PTPRD: variants seen among roughly 807,000 people sequenced by gnomAD.
The protein encoded by PTPRD is protein tyrosine phosphatase receptor type D, also known as receptor-type tyrosine-protein phosphatase delta.
Under a neutral mutation model 214.5 loss-of-function variants are expected in PTPRD, and 34 were observed. The ratio of observed to expected loss-of-function variants is 0.16; its 90% CI spans 0.12 to 0.21. PTPRD has a LOEUF of 0.21. Ranked by LOEUF, PTPRD falls within the 10% of genes least tolerant of loss-of-function variation. The pLI, the probability that PTPRD is intolerant of heterozygous loss-of-function variation, is 1.00. For missense variants in PTPRD, 2,545 were observed against 2,398.7 expected (o/e 1.06, Z -1.27); for synonymous variants, 1,128 against 845.7 (o/e 1.33, Z -5.79).
At chr9:9,156,960 C>T (rs2099881733) in intron 10 of PTPRD, among the ~76,000 whole-genome samples, 1 of 152,198 alleles carries the variant, frequency 6.6e-6, no homozygotes, top group Non-Finnish European at 1.5e-5. Flanking sequence ...CAATTCCACA[C>T]TCTCATTCTC....
At chr9:10,084,511 C>G (rs2098296382) in intron 3 of PTPRD, among the ~76,000 whole-genome samples, 1 of 151,852 alleles carries the variant, frequency 6.6e-6, no homozygotes, top group South Asian at 2.1e-4. Flanking sequence ...AATTGTAACC[C>G]ACTCACACAT....
intron 11 of PTPRD, among the ~76,000 whole-genome samples, chr9:8,902,746 A>T (rs1258954313): frequency 2.6e-5 from 4 of 152,224 alleles, no homozygotes; most frequent in Non-Finnish European, 5.9e-5. Flanking sequence ...AAGAAAAATA[A>T]GCCTTGGCAA....
rs533532371 is a variant in PTPRD at position 9,230,701 on chromosome 9, AGTT to A, written c.-202-47341_-202-47339del. ...TGCTTGGTACGGAAAAACTCCACAC[AGTT>A]GTTGTCAGGAGTGTTGCGCATATAG... is the stretch of plus-strand genomic sequence containing the variant. On this transcript the variant is annotated intron_variant, in intron 9 of 45. Transcript: ENST00000381196. Among the ~76,000 whole-genome samples the A allele has an allele frequency of 1.1e-4, 16 of 152,256 alleles. No homozygotes were observed. The South Asian group carries it at 3.1e-3, about 30-fold the overall frequency.
intron 10 of PTPRD, among the ~76,000 whole-genome samples, chr9:9,048,420 TG>T (rs1460933159): frequency 6.6e-6 from 1 of 152,014 alleles, no homozygotes; most frequent in Non-Finnish European, 1.5e-5. Context: ...CATCACCAGA[TG>T]GATGGATAAA....
intron 2 of PTPRD, among the ~76,000 whole-genome samples, chr9:10,536,941 C>T (rs372454821): frequency 2.8e-4 from 43 of 152,208 alleles, no homozygotes; most frequent in African/African-American, 9.4e-4. Context: ...AATAGTAAAG[C>T]AGTACGGTTA....
intron 14 of PTPRD, among the ~76,000 whole-genome samples, chr9:8,569,338 C>A (rs1311836395): frequency 6.6e-6 from 1 of 152,128 alleles, no homozygotes; most frequent in Non-Finnish European, 1.5e-5. Context: ...AGGCAATCAT[C>A]CTCCAAACTG....
chr9:9,808,972 A>G (rs1453220508), intron 5 of PTPRD, among the ~76,000 whole-genome samples: 1 of 150,782 alleles, frequency 6.6e-6, no homozygotes, highest in Non-Finnish European at 1.5e-5. Flanking sequence ...TTTTTGTAGA[A>G]ACAAGATCTC....
intron 9 of PTPRD, among the ~76,000 whole-genome samples, 174 bp from the exon 10 acceptor site, chr9:9,183,537 A>C (rs1417213951): frequency 6.6e-6 from 1 of 152,044 alleles, no homozygotes; most frequent in Non-Finnish European, 1.5e-5. Context: ...TCTTTAATTG[A>C]AGTAGTGAAA....
At chr9:9,821,934 T>TTA (rs1029463074) in intron 5 of PTPRD, among the ~76,000 whole-genome samples, 5 of 148,414 alleles carry the variant, frequency 3.4e-5, no homozygotes, top group Non-Finnish European at 7.4e-5. Flanking sequence ...TTTATAATAT[T>TTA]TATATATATT....
chr9:8,764,816 T>TAAA (rs1296075270), intron 11 of PTPRD, among the ~76,000 whole-genome samples: 1 of 149,046 alleles, frequency 6.7e-6, no homozygotes, highest in Admixed American at 6.7e-5. Flanking sequence ...ATGATAATAA[T>TAAA]AATAATAATA....
chr9:8,798,902 T>A (rs1307719356), intron 11 of PTPRD, among the ~76,000 whole-genome samples: 1 of 152,162 alleles, frequency 6.6e-6, no homozygotes, highest in Non-Finnish European at 1.5e-5. Flanking sequence ...GCCTATGAGA[T>A]GTCATAATAA....
chr9:8,851,031 G>A (rs983315498), intron 11 of PTPRD, among the ~76,000 whole-genome samples: 1 of 152,120 alleles, frequency 6.6e-6, no homozygotes, highest in Non-Finnish European at 1.5e-5. Context: ...TAGGGAGACA[G>A]AAGGCAGTAA....
chr9:8,607,288 T>C (rs1011750560), intron 14 of PTPRD, among the ~76,000 whole-genome samples: 2 of 152,180 alleles, frequency 1.3e-5, no homozygotes, highest in East Asian at 1.9e-4. Context: ...ATGGTAAGTA[T>C]CTACAATTTT....
chr9:9,865,422 C>T (rs922024051), intron 5 of PTPRD, among the ~76,000 whole-genome samples: 2 of 152,174 alleles, frequency 1.3e-5, no homozygotes, highest in East Asian at 1.9e-4. Flanking sequence ...TAAGGACAGA[C>T]AGAAGCCTTT....
chr9:9,608,245 T>C (rs2094305210), intron 7 of PTPRD, among the ~76,000 whole-genome samples: 1 of 152,232 alleles, frequency 6.6e-6, no homozygotes, highest in Non-Finnish European at 1.5e-5. Flanking sequence ...ACTACTGTTA[T>C]TGCTGTTATT....
intron 7 of PTPRD, among the ~76,000 whole-genome samples, chr9:9,619,442 A>G (rs1158535989): frequency 2.7e-5 from 4 of 149,598 alleles, no homozygotes; most frequent in African/African-American, 9.8e-5. Flanking sequence ...ATATATATCT[A>G]TATAAGCATG....
At chr9:10,060,462 T>C (rs1364022254) in intron 3 of PTPRD, among the ~76,000 whole-genome samples, 1 of 152,088 alleles carries the variant, frequency 6.6e-6, no homozygotes, top group Non-Finnish European at 1.5e-5. Context: ...AGCTCATGTG[T>C]GTAAAATTAC....
At chr9:8,808,753 C>T (rs1020684435) in intron 11 of PTPRD, among the ~76,000 whole-genome samples, 1 of 152,072 alleles carries the variant, frequency 6.6e-6, no homozygotes, top group East Asian at 1.9e-4. Context: ...ACCACCTGCA[C>T]TAGATTTAAA....
At chr9:9,271,604 A>G (rs1321637391) in intron 9 of PTPRD, among the ~76,000 whole-genome samples, 1 of 151,452 alleles carries the variant, frequency 6.6e-6, no homozygotes, top group East Asian at 2.0e-4. Flanking sequence ...GATAGCAAGT[A>G]GTAGTTAAAA....
Sources: gnomAD v4.1 joint callset for allele counts (sites outside exome capture counted in the v4.1 genomes callset) on GRCh38, gnomAD v4.1.1 for gene constraint, MANE v1.5 for transcripts, NCBI Gene and HGNC (gene_info 2026-07-23, HGNC 2026-07-21) for gene names.